The following RBFOX1 variants were observed in gnomAD, a reference collection of about 807,000 sequenced individuals.
RBFOX1 encodes RNA binding protein fox-1 homolog 1.
A neutral mutation model predicts 57.7 loss-of-function variants in RBFOX1; 8 were observed. The observed-to-expected ratio is 0.14, with a 90% CI of 0.08 to 0.25. RBFOX1 has a LOEUF of 0.25. RBFOX1 is among the 10% of genes least tolerant of loss of function. RBFOX1 has a pLI of 1.00. For synonymous variants in RBFOX1, 326 were observed against 222.4 expected (o/e 1.47, Z -4.15); for missense variants, 611 against 548.5 (o/e 1.11, Z -1.14).
chr16:6,094,984 C>G (rs551809153), intron 1 of RBFOX1, among the ~76,000 whole-genome samples: 1 of 152,090 alleles, frequency 6.6e-6, no homozygotes, highest in African/African-American at 2.4e-5. Context: ...CGCTGGAACC[C>G]GGGAGGCAAA....
chr16:7,237,175 C>A (rs190358049), intron 4 of RBFOX1, among the ~76,000 whole-genome samples: 1 of 152,192 alleles, frequency 6.6e-6, no homozygotes, highest in Non-Finnish European at 1.5e-5. Flanking sequence ...GTGCCAGATG[C>A]CATCACAGAA....
At chr16:7,617,483 G>A (rs1596572131) in intron 10 of RBFOX1, among the ~76,000 whole-genome samples, 1 of 152,024 alleles carries the variant, frequency 6.6e-6, no homozygotes, top group Admixed American at 6.6e-5. Flanking sequence ...CGGTAATAAA[G>A]CCACCAGTTT....
chr16:5,891,030 T>C (rs1488291268), intron 4 of RBFOX1, among the ~76,000 whole-genome samples: 7 of 152,206 alleles, frequency 4.6e-5, no homozygotes, highest in African/African-American at 1.7e-4. Flanking sequence ...GGTGAGAAGA[T>C]GCGTGCAAAT....
chr16:5,863,291 G>C (rs915153034), intron 3 of RBFOX1, among the ~76,000 whole-genome samples: 1 of 152,232 alleles, frequency 6.6e-6, no homozygotes, highest in Non-Finnish European at 1.5e-5. Flanking sequence ...TTTCAAGAGA[G>C]TCCTGCTGGA....
At chr16:6,295,164 G>A (rs909467674) in intron 1 of RBFOX1, among the ~76,000 whole-genome samples, 2 of 135,594 alleles carry the variant, frequency 1.5e-5, no homozygotes, top group African/African-American at 2.9e-5. Context: ...TCTCTCCATC[G>A]CCAGGCTGGA....
At chr16:5,891,296 T>C (rs930114953) in intron 4 of RBFOX1, among the ~76,000 whole-genome samples, 1 of 152,128 alleles carries the variant, frequency 6.6e-6, no homozygotes, top group Non-Finnish European at 1.5e-5. Flanking sequence ...CTGGAGCCGT[T>C]TCAGTGCACC....
chr16:7,556,788 C>G (rs185964327), intron 5 of RBFOX1, among the ~76,000 whole-genome samples: 2 of 152,284 alleles, frequency 1.3e-5, no homozygotes, highest in Admixed American at 1.3e-4. Context: ...AATGGTATAA[C>G]CCATGTGCAA....
chr16:6,919,769 C>CTTTTTTT (rs57240620), intron 3 of RBFOX1, among the ~76,000 whole-genome samples: 9 of 123,462 alleles, frequency 7.3e-5, no homozygotes, highest in East Asian at 2.4e-4. Context: ...TAAGATCATT[C>CTTTTTTT]TTTTTTTTTT....
chr16:5,848,059 G>A (rs1321447336), intron 3 of RBFOX1, among the ~76,000 whole-genome samples: 1 of 152,134 alleles, frequency 6.6e-6, no homozygotes, highest in East Asian at 1.9e-4. Flanking sequence ...AGATGCACCT[G>A]AATGTGTGTC....
chr16:7,044,508 G>A (rs59804974), intron 3 of RBFOX1, among the ~76,000 whole-genome samples: 18,847 of 152,130 alleles, frequency 0.12, 1,990 homozygotes, highest in East Asian at 0.28. Flanking sequence ...TCGTTCAACC[G>A]GGAGAGCAAA....
intron 3 of RBFOX1, among the ~76,000 whole-genome samples, chr16:7,007,281 C>T (rs888881314): frequency 2.6e-5 from 4 of 152,174 alleles, no homozygotes; most frequent in African/African-American, 9.7e-5. Context: ...GTGGACTCTT[C>T]CAACTCATAG....
intron 2 of RBFOX1, among the ~76,000 whole-genome samples, chr16:6,482,620 C>A (rs1597892837): frequency 6.6e-6 from 1 of 152,174 alleles, no homozygotes; most frequent in East Asian, 1.9e-4. Flanking sequence ...AGGCTGAAAC[C>A]TCAGCGCATT....
intron 1 of RBFOX1, among the ~76,000 whole-genome samples, chr16:6,204,807 G>T (rs773183409): frequency 3.9e-5 from 6 of 152,116 alleles, no homozygotes; most frequent in Non-Finnish European, 7.4e-5. Context: ...TTGTGTGTGT[G>T]TGCCTGCATG....
At position 6,541,240 on chromosome 16, in the gene RBFOX1, C is replaced by G. The variant is rs145601753; in HGVS notation, c.-63-113363C>G. On this transcript the variant is annotated intron_variant, in intron 2 of 15. Transcript: ENST00000550418. ...GCTCTGAAGGGAGACAGACTGTAGT[C>G]TCTCCTGGAATAGCCCGGGAAGGAA... is the stretch of plus-strand genomic sequence containing the variant. 6.6e-5 allele frequency among the ~76,000 whole-genome samples: 10 copies of G among 152,306 alleles called. No homozygotes were observed. The East Asian group carries it at 1.7e-3, about 26-fold the overall frequency.
chr16:6,813,594 C>T (rs374041313), intron 3 of RBFOX1, among the ~76,000 whole-genome samples: 1 of 152,196 alleles, frequency 6.6e-6, no homozygotes, highest in Non-Finnish European at 1.5e-5. Flanking sequence ...ATCCAAACCT[C>T]TCTCTCCACA....
intron 3 of RBFOX1, among the ~76,000 whole-genome samples, chr16:6,956,890 C>G (rs1388256500): frequency 6.6e-6 from 1 of 152,008 alleles, no homozygotes; most frequent in Non-Finnish European, 1.5e-5. Flanking sequence ...TGTCTGGCAT[C>G]TGGGCTAGTT....
chr16:6,717,523 A>ATAGTC (rs1341177316), intron 3 of RBFOX1, among the ~76,000 whole-genome samples: 1 of 152,150 alleles, frequency 6.6e-6, no homozygotes, highest in Non-Finnish European at 1.5e-5. Flanking sequence ...TTAACAACCA[A>ATAGTC]AAATTGTGCA....
chr16:6,345,600 C>G (rs2085258100), intron 2 of RBFOX1, among the ~76,000 whole-genome samples: 1 of 152,182 alleles, frequency 6.6e-6, no homozygotes, highest in South Asian at 2.1e-4. Context: ...TTTATACTTA[C>G]TCGGTCCCAG....
intron 2 of RBFOX1, among the ~76,000 whole-genome samples, chr16:6,355,386 T>A (rs2087121081): frequency 6.6e-6 from 1 of 152,146 alleles, no homozygotes; most frequent in Admixed American, 6.5e-5. Context: ...CATGCGGTGT[T>A]TGGCTTTCTG....
Sources: allele counts gnomAD v4.1 joint callset (sites outside exome capture counted in the v4.1 genomes callset), GRCh38; gene constraint gnomAD v4.1.1; transcripts MANE v1.5; gene names NCBI Gene and HGNC (gene_info 2026-07-23, HGNC 2026-07-21).